Variants in WDPCP observed in about 807,000 individuals in gnomAD.
WDPCP encodes WD repeat containing planar cell polarity effector.
In WDPCP, 71 loss-of-function variants were observed where a neutral mutation model predicts 93.1. That is an observed-to-expected ratio of 0.76 (90% CI 0.63 to 0.93). The LOEUF (loss-of-function observed/expected upper bound fraction) is 0.93. Ranked by LOEUF, WDPCP falls within the 40% of genes least tolerant of loss-of-function variation. The probability of loss-of-function intolerance (pLI) is 0.00; values close to 1 mark genes in which losing one functional copy is unlikely to be tolerated. For missense variants in WDPCP, 844 were observed against 887.4 expected, an observed-to-expected ratio of 0.95 and a Z score of 0.62; for synonymous variants, 315 against 315.0, an observed-to-expected ratio of 1.00 and a Z score of 0.00.
At chr2:63,406,139 G>C (rs116635315) in intron 9 of WDPCP, among the ~76,000 whole-genome samples, 1 of 151,996 alleles carries the variant, frequency 6.6e-6, no homozygotes, top group Non-Finnish European at 1.5e-5. Flanking sequence ...TGCTGGATTG[G>C]GGAGGGGTGG....
chr2:63,433,473 T>C, intron 9 of WDPCP, among the ~76,000 whole-genome samples: 1 of 152,160 alleles, frequency 6.6e-6, no homozygotes, highest in East Asian at 1.9e-4. Context: ...ATAATGAAAC[T>C]ATAGCACATA....
At chr2:63,751,940 C>G (rs1409445841) in intron 2 of WDPCP, 1 of 663,222 alleles carries the variant, frequency 1.5e-6, no homozygotes, top group African/African-American at 1.8e-5. Context: ...CCATATCCAC[C>G]ATGACCACAG....
At chr2:63,714,422 A>T (rs977925235) in intron 2 of WDPCP, among the ~76,000 whole-genome samples, 1 of 152,102 alleles carries the variant, frequency 6.6e-6, no homozygotes, top group Non-Finnish European at 1.5e-5. Context: ...TACCTCCCTT[A>T]TAAGATAAGT....
At chr2:63,582,446 A>G (rs549810951) in intron 1 of WDPCP, among the ~76,000 whole-genome samples, 56 of 152,314 alleles carry the variant, frequency 3.7e-4, no homozygotes, top group African/African-American at 1.2e-3. Flanking sequence ...CAAAATACAT[A>G]TAACTGTCAT....
chr2:63,233,916 C>T (rs1325243689), intron 14 of WDPCP, among the ~76,000 whole-genome samples: 1 of 152,066 alleles, frequency 6.6e-6, no homozygotes, highest in African/African-American at 2.4e-5. Context: ...ATCTCCTGTG[C>T]CCAGCCAACC....
intron 2 of WDPCP, among the ~76,000 whole-genome samples, chr2:63,772,731 T>C (rs1670247731): frequency 6.6e-6 from 1 of 151,990 alleles, no homozygotes; most frequent in Admixed American, 6.6e-5. Flanking sequence ...AATAAAAAAG[T>C]TCAACAATTA....
intron 14 of WDPCP, among the ~76,000 whole-genome samples, chr2:63,238,410 A>T (rs1316526607): frequency 6.6e-6 from 1 of 152,190 alleles, no homozygotes; most frequent in East Asian, 1.9e-4. Flanking sequence ...TTTCAATTAA[A>T]TTAAAAAATT....
chr2:63,698,309 C>T (rs748402554), intron 2 of WDPCP, among the ~76,000 whole-genome samples: 2 of 152,114 alleles, frequency 1.3e-5, no homozygotes, highest in Non-Finnish European at 2.9e-5. Context: ...TATGCAAGGT[C>T]TTCTGGTATG....
chr2:63,634,215 G>C (rs1214584459), intron 3 of WDPCP, among the ~76,000 whole-genome samples: 13 of 152,120 alleles, frequency 8.5e-5, no homozygotes, highest in Admixed American at 7.9e-4. Context: ...AATTGAAAAA[G>C]ATAGTCCATG....
chr2:63,598,590 T>C (rs547034284), intron 3 of WDPCP, among the ~76,000 whole-genome samples: 1 of 152,360 alleles, frequency 6.6e-6, no homozygotes, highest in South Asian at 2.1e-4. Context: ...CCCATTATAA[T>C]GTTCTATCAA....
At chr2:63,310,213 C>T (rs150036844) in intron 13 of WDPCP, among the ~76,000 whole-genome samples, 20 of 152,190 alleles carry the variant, frequency 1.3e-4, no homozygotes, top group African/African-American at 4.3e-4. Context: ...ATCATCACCA[C>T]AGGTAATAAA....
At chr2:63,712,415 A>G (rs1207770586) in intron 2 of WDPCP, among the ~76,000 whole-genome samples, 1 of 152,250 alleles carries the variant, frequency 6.6e-6, no homozygotes, top group African/African-American at 2.4e-5. Flanking sequence ...AAAGACGAAT[A>G]TCAACTCCCA....
intron 1 of WDPCP, among the ~76,000 whole-genome samples, chr2:63,536,708 T>C (rs1030659195): frequency 7.1e-6 from 1 of 139,876 alleles, no homozygotes; most frequent in African/African-American, 2.7e-5. Context: ...AGGTGGAAGA[T>C]AAATAAATGG....
At chr2:63,479,646 T>C (rs895141473) in intron 6 of WDPCP, among the ~76,000 whole-genome samples, 2 of 152,058 alleles carry the variant, frequency 1.3e-5, no homozygotes, top group African/African-American at 4.8e-5. Context: ...AAAACTGGCA[T>C]AGAAGGGACA....
intron 1 of WDPCP, among the ~76,000 whole-genome samples, chr2:63,576,968 T>C (rs561051700): frequency 6.6e-6 from 1 of 152,306 alleles, no homozygotes; most frequent in African/African-American, 2.4e-5. Context: ...TCTTTTGAAG[T>C]CTTCACTATA....
intron 2 of WDPCP, among the ~76,000 whole-genome samples, chr2:63,662,456 A>G (rs1039210101): frequency 6.6e-6 from 1 of 152,162 alleles, no homozygotes; most frequent in Admixed American, 6.5e-5. Flanking sequence ...ATCAGAGAAC[A>G]TACCATTCAT....
Position 63,760,376 on chromosome 2 carries a change from C to T in WDPCP, n.308+53246G>A, listed in dbSNP as rs903389490. On this transcript the variant is annotated intron_variant and non_coding_transcript_variant, in intron 2 of 4. Transcript: ENST00000467687. ...GCTTGATTGCATCTATAACACAGAG[C>T]GTTTACACACGAAAAGGATTTCTTT... Among the ~76,000 whole-genome samples, 15 of 151,946 alleles carry T rather than the reference C, an allele frequency of 9.9e-5. 1 individual carries two copies. The highest frequency in any genetic ancestry group is 2.1e-4 in the South Asian group (1 of 4,822).
At chr2:63,660,399 A>G (rs149748871) in intron 2 of WDPCP, among the ~76,000 whole-genome samples, 1 of 152,292 alleles carries the variant, frequency 6.6e-6, no homozygotes, top group Non-Finnish European at 1.5e-5. Flanking sequence ...TTGAATTGCA[A>G]TTGGTAGTTG....
intron 2 of WDPCP, among the ~76,000 whole-genome samples, chr2:63,692,188 A>G (rs1668899560): frequency 6.6e-6 from 1 of 152,140 alleles, no homozygotes; most frequent in Admixed American, 6.5e-5. Context: ...TATAAAACAC[A>G]GCATTGACCA....
Sources: allele counts gnomAD v4.1 joint callset (sites outside exome capture counted in the v4.1 genomes callset), GRCh38; gene constraint gnomAD v4.1.1; transcripts MANE v1.5; gene names NCBI Gene and HGNC (gene_info 2026-07-23, HGNC 2026-07-21).